Variants in DPP4 observed in about 807,000 individuals in gnomAD.
DPP4 encodes ADCP-2.
In DPP4, 93 loss-of-function variants were observed where a neutral mutation model predicts 122.4. The ratio of observed to expected loss-of-function variants is 0.76; its 90% CI spans 0.64 to 0.90. The LOEUF is 0.90. Among genes scored for constraint, DPP4 ranks in the 40% least tolerant of loss-of-function variants. DPP4 has a pLI of 0.00. For synonymous variants in DPP4, 321 were observed against 302.9 expected, an observed-to-expected ratio of 1.06 and a Z score of -0.62; for missense variants, 914 against 907.3, an observed-to-expected ratio of 1.01 and a Z score of -0.09.
At chr2:162,071,491 A>G (rs1200651840) in intron 2 of DPP4, among the ~76,000 whole-genome samples, 1 of 151,982 alleles carries the variant, frequency 6.6e-6, no homozygotes, top group East Asian at 1.9e-4. Flanking sequence ...AAATACAAAA[A>G]ATTATCCGGG....
At chr2:162,002,148 T>G (rs1480699520) in intron 23 of DPP4, among the ~76,000 whole-genome samples, 29 of 152,066 alleles carry the variant, frequency 1.9e-4, no homozygotes, top group Admixed American at 1.9e-3. Flanking sequence ...CCTTAGAAAA[T>G]GGAGTATGGT....
intron 10 of DPP4, 122 bp from the exon 11 acceptor site, chr2:162,025,061 T>C: frequency 2.8e-6 from 3 of 1,089,698 alleles, no homozygotes; most frequent in Non-Finnish European, 3.8e-6. Flanking sequence ...AGTAGAATTA[T>C]AAATGGTTAA....
chr2:162,038,895 G>A, intron 7 of DPP4, 54 bp downstream of exon 7: 2 of 1,506,638 alleles, frequency 1.3e-6, no homozygotes, highest in Non-Finnish European at 1.8e-6. Context: ...AGTAACTTCT[G>A]CCTATGAAAA....
chr2:162,005,137 T>C (rs1230584316), intron 23 of DPP4, among the ~76,000 whole-genome samples: 1 of 152,204 alleles, frequency 6.6e-6, no homozygotes, highest in Non-Finnish European at 1.5e-5. Context: ...TCAATGATAG[T>C]TGCACCCACA....
At chr2:162,032,928 C>T (rs1251590979) in intron 10 of DPP4, among the ~76,000 whole-genome samples, 1 of 152,152 alleles carries the variant, frequency 6.6e-6, no homozygotes, top group African/African-American at 2.4e-5. Context: ...ACTTAATCCA[C>T]AGATTTCCTG....
chr2:162,020,384 C>G lies in DPP4; in HGVS notation c.1177-88G>C, dbSNP rs573049399. The G allele has an allele frequency of 1.6e-4, 193 of 1,182,818 alleles. 1 individual carries two copies. The South Asian group carries it at 2.7e-3, about 16-fold the overall frequency. The allele number at this position is 1,182,818 out of a possible 1,614,324, so 73.3% of individuals were successfully genotyped here. ...AAGTGGAGGATTAAATCATTTATAT[C>G]AGGAATTCAAATAACCTTGGATTTT... On this transcript the variant is annotated intron_variant, in intron 13 of 25. Transcript: ENST00000360534.
chr2:162,021,946 G>A (rs933112374), intron 12 of DPP4, among the ~76,000 whole-genome samples: 2 of 152,178 alleles, frequency 1.3e-5, no homozygotes, highest in Admixed American at 1.3e-4. Flanking sequence ...GCTAGAAGGG[G>A]TTGTCTTCTT....
intron 13 of DPP4, 66 bp from the exon 14 acceptor site, chr2:162,020,362 T>C (rs1471436828): frequency 3.1e-5 from 40 of 1,279,848 alleles, no homozygotes; most frequent in Admixed American, 7.1e-5. Context: ...CTGTTCAAAG[T>C]GGAGGATTAA....
rs202164446 is a variant in DPP4 at position 162,035,344 on chromosome 2, G to A, written c.614-20C>T. ...CTTCCTCTGAAAAAAGACACAAATT[G>A]TTCTGTTACAAGAAGTAGCTGATAA... On this transcript the variant is annotated intron_variant, in intron 8 of 25. Coordinates refer to ENST00000360534, the MANE Select transcript of DPP4 (RefSeq NM_001935.4). 5.6e-6 allele frequency: 9 copies of A among 1,607,540 alleles called. No homozygotes were observed. The highest frequency in any genetic ancestry group is 6.8e-6 in the Non-Finnish European group (8 of 1,177,442).
At chr2:162,008,086 T>A (rs1452318712) in intron 22 of DPP4, among the ~76,000 whole-genome samples, 1 of 152,096 alleles carries the variant, frequency 6.6e-6, no homozygotes, top group Non-Finnish European at 1.5e-5. Flanking sequence ...ACAAAGAGCA[T>A]ATTCTAGAGT....
At chr2:162,020,543 A>AG (rs1553663438) in intron 13 of DPP4, 38 bp downstream of exon 13, 3 of 1,491,144 alleles carry the variant, frequency 2.0e-6, no homozygotes, top group African/African-American at 2.8e-5. Flanking sequence ...AAAAAAAAAA[A>AG]GAGGTCAACA....
chr2:162,018,095 A>G (rs973383437), intron 16 of DPP4, among the ~76,000 whole-genome samples: 7 of 152,384 alleles, frequency 4.6e-5, no homozygotes, highest in African/African-American at 1.7e-4. Flanking sequence ...ATAATAAAAT[A>G]TACTAGTGAG....
At chr2:162,022,681 A>T in intron 12 of DPP4, 74 bp downstream of exon 12, 2 of 1,403,196 alleles carry the variant, frequency 1.4e-6, no homozygotes, top group Non-Finnish European at 2.0e-6. Context: ...TTAGAGCCCT[A>T]GTTTTAAATA....
chr2:162,061,976 T>C (rs1157909295), intron 2 of DPP4, among the ~76,000 whole-genome samples: 23 of 152,104 alleles, frequency 1.5e-4, no homozygotes, highest in Non-Finnish European at 2.9e-5. Flanking sequence ...TATGTTTAAA[T>C]GTGGTCGCCA....
In DPP4 at chr2:162,073,429, T is replaced by A. The variant is rs764257284; in HGVS notation, c.64A>T (p.Thr22Ser). The change falls in exon 2 of 26, where the codon ACC becomes TCC. Residue 22 changes from threonine to serine, a missense_variant. By Grantham distance (58) the Thr-to-Ser change is moderately conservative. Coordinates refer to ENST00000360534, the MANE Select transcript of DPP4 (RefSeq NM_001935.4). ...LGAAALVTII[T>S]VPVVLLNKGT... ...TTGTTCAGCAGAACCACGGGCACGGTGATGATGGTGACAAGCGCAGCAGCA... is the reference window on the plus strand; with the variant it reads ...TTGTTCAGCAGAACCACGGGCACGGAGATGATGGTGACAAGCGCAGCAGCA... 6.2e-7 allele frequency: 1 copy of A among 1,614,038 alleles called. No homozygotes were observed.
At chr2:161,999,526 C>G (rs551397911) in intron 23 of DPP4, among the ~76,000 whole-genome samples, 2 of 152,274 alleles carry the variant, frequency 1.3e-5, no homozygotes, top group South Asian at 4.1e-4. Flanking sequence ...CCGCTGCCAG[C>G]AACAGCCTGG....
intron 12 of DPP4, among the ~76,000 whole-genome samples, 177 bp from the exon 13 acceptor site, chr2:162,020,865 A>G (rs1683100232): frequency 6.6e-6 from 1 of 152,244 alleles, no homozygotes; most frequent in Non-Finnish European, 1.5e-5. Context: ...TGTGAACAAA[A>G]ACACCATACT....
chr2:161,994,889 AGAATTAGCC>A, intron 25 of DPP4, 63 bp downstream of exon 25: 1 of 1,436,450 alleles, frequency 7.0e-7, no homozygotes, highest in South Asian at 1.2e-5. Context: ...CACTGCTAAA[AGAATTAGCC>A]CAGAAAGAGG....
intron 10 of DPP4, among the ~76,000 whole-genome samples, chr2:162,033,153 A>G (rs1415626877): frequency 6.6e-6 from 1 of 152,050 alleles, no homozygotes; most frequent in Non-Finnish European, 1.5e-5. Flanking sequence ...GCCACAGTTC[A>G]TTTTATCCAT....
Sources: gnomAD v4.1 joint callset for allele counts (sites outside exome capture counted in the v4.1 genomes callset) on GRCh38, gnomAD v4.1.1 for gene constraint, MANE v1.5 for transcripts, NCBI Gene and HGNC (gene_info 2026-07-23, HGNC 2026-07-21) for gene names.